GRIP1: variants seen among roughly 807,000 people sequenced by gnomAD.
The protein encoded by GRIP1 is glutamate receptor interacting protein 1.
A neutral mutation model predicts 129.9 loss-of-function variants in GRIP1; 45 were observed. The ratio of observed to expected loss-of-function variants is 0.35; its 90% CI spans 0.27 to 0.44. The LOEUF is 0.44. Ranked by LOEUF, GRIP1 falls within the 20% of genes least tolerant of loss-of-function variation. The probability of loss-of-function intolerance (pLI) is 1.00; values close to 1 mark genes in which losing one functional copy is unlikely to be tolerated. For missense variants in GRIP1, 1,196 were observed against 1,396.8 expected, an observed-to-expected ratio of 0.86 and a Z score of 2.29; for synonymous variants, 530 against 520.8, an observed-to-expected ratio of 1.02 and a Z score of -0.24.
chr12:66,801,259 T>G (rs2038849980), intron 1 of GRIP1, among the ~76,000 whole-genome samples: 1 of 152,014 alleles, frequency 6.6e-6, no homozygotes, highest in Admixed American at 6.6e-5. Context: ...AAACTCTAAC[T>G]CTAGAATTAT....
In GRIP1 at chr12:66,588,161, C is replaced by T. The variant is rs1372800363; in HGVS notation, c.136+8686G>A. Among the ~76,000 whole-genome samples, 7 of 151,842 alleles carry T rather than the reference C, an allele frequency of 4.6e-5. No individual in the cohort carries two copies. The East Asian group carries it at 1.4e-3, about 29-fold the overall frequency. On this transcript the variant is annotated intron_variant, in intron 2 of 24. Coordinates refer to ENST00000359742, the MANE Select transcript of GRIP1 (RefSeq NM_001366722.1). ...ACATAAAGCATAGTTATGGTGTTAC[C>T]AGTTTCAGAATAAGTAGTTAAAAGC...
At chr12:66,790,158 C>A (rs891049169) in intron 1 of GRIP1, among the ~76,000 whole-genome samples, 1 of 152,146 alleles carries the variant, frequency 6.6e-6, no homozygotes, top group African/African-American at 2.4e-5. Context: ...TAACTGATTT[C>A]ATTTTAGGGA....
At chr12:66,532,858 A>C (rs942056729) in intron 4 of GRIP1, among the ~76,000 whole-genome samples, 1 of 152,154 alleles carries the variant, frequency 6.6e-6, no homozygotes, top group African/African-American at 2.4e-5. Flanking sequence ...ATGCTTTAAC[A>C]CATTTATTTG....
At chr12:66,875,506 C>A (rs981576351) in intron 1 of GRIP1, among the ~76,000 whole-genome samples, 3 of 152,036 alleles carry the variant, frequency 2.0e-5, no homozygotes, top group African/African-American at 4.8e-5. Flanking sequence ...GGCTGCTTCA[C>A]AAACATCCAC....
chr12:66,525,223 A>T (rs1301609210), intron 5 of GRIP1, among the ~76,000 whole-genome samples: 1 of 151,746 alleles, frequency 6.6e-6, no homozygotes, highest in Non-Finnish European at 1.5e-5. Context: ...CAGAGACACA[A>T]CCAAAAAAGA....
intron 7 of GRIP1, among the ~76,000 whole-genome samples, chr12:66,495,504 A>G (rs1039619244): frequency 6.6e-6 from 1 of 152,212 alleles, no homozygotes; most frequent in African/African-American, 2.4e-5. Context: ...CTTGGGCAAG[A>G]TATTAAAAAA....
chr12:66,872,482 C>A (rs571978718), intron 1 of GRIP1, among the ~76,000 whole-genome samples: 1 of 152,044 alleles, frequency 6.6e-6, no homozygotes, highest in Non-Finnish European at 1.5e-5. Context: ...ATAATAAAAT[C>A]TCTTCCTGGC....
intron 16 of GRIP1, among the ~76,000 whole-genome samples, chr12:66,395,154 T>A (rs781283110): frequency 2.0e-5 from 3 of 152,238 alleles, no homozygotes; most frequent in Non-Finnish European, 2.9e-5. Flanking sequence ...GCCAGAAAGA[T>A]ATCATGGGCC....
chr12:66,803,906 G>A (rs12302592), intron 1 of GRIP1: 28,279 of 310,104 alleles, frequency 0.091, 1,570 homozygotes, highest in Admixed American at 0.17. Context: ...AACAAATCAA[G>A]CAAAACATAG....
intron 1 of GRIP1, among the ~76,000 whole-genome samples, chr12:66,882,080 C>G (rs1055589046): frequency 4.6e-5 from 7 of 152,036 alleles, no homozygotes; most frequent in African/African-American, 7.2e-5. Context: ...CTCCATCTTT[C>G]TCTTCTCATG....
intron 1 of GRIP1, among the ~76,000 whole-genome samples, chr12:66,991,040 G>A (rs1475542236): frequency 2.0e-5 from 3 of 150,782 alleles, no homozygotes; most frequent in African/African-American, 7.3e-5. Context: ...TCGGGAGACC[G>A]AGGCAGGCGG....
chr12:66,902,769 T>A (rs2040863734), intron 1 of GRIP1, among the ~76,000 whole-genome samples: 1 of 152,206 alleles, frequency 6.6e-6, no homozygotes, highest in African/African-American at 2.4e-5. Flanking sequence ...AATACTGATG[T>A]TGTTGTTTTA....
intron 15 of GRIP1, among the ~76,000 whole-genome samples, chr12:66,411,127 C>T (rs2057385655): frequency 6.6e-6 from 1 of 152,126 alleles, no homozygotes; most frequent in South Asian, 2.1e-4. Context: ...AATCACAGTG[C>T]ACCTGCTCTG....
intron 1 of GRIP1, among the ~76,000 whole-genome samples, chr12:66,666,878 C>CT (rs544709613): frequency 0.019 from 2,719 of 143,996 alleles, 26 homozygotes; most frequent in Non-Finnish European, 0.029. Context: ...ACATTGAAAC[C>CT]TTTTTTTTTT....
intron 1 of GRIP1, among the ~76,000 whole-genome samples, chr12:66,940,434 G>A (rs754215389): frequency 5.3e-5 from 8 of 151,906 alleles, no homozygotes; most frequent in Non-Finnish European, 1.0e-4. Flanking sequence ...ACCTAGTCAC[G>A]GCCACCTACA....
chr12:66,638,252 T>C (rs933805751), intron 1 of GRIP1, among the ~76,000 whole-genome samples: 12 of 152,230 alleles, frequency 7.9e-5, no homozygotes, highest in African/African-American at 2.9e-4. Flanking sequence ...TTGCATTTTA[T>C]TCCACAAATT....
chr12:67,061,437 GA>G (rs1170613556), intron 1 of GRIP1, among the ~76,000 whole-genome samples: 8 of 152,234 alleles, frequency 5.3e-5, no homozygotes, highest in African/African-American at 1.7e-4. Context: ...AATAGCCAGG[GA>G]AAATGGCTAA....
At chr12:66,696,353 C>T (rs1430115031) in intron 1 of GRIP1, among the ~76,000 whole-genome samples, 1 of 151,952 alleles carries the variant, frequency 6.6e-6, no homozygotes, top group Non-Finnish European at 1.5e-5. Flanking sequence ...AGAAAAATAC[C>T]AATCTAAACA....
At chr12:67,056,260 T>C (rs1393307483) in intron 1 of GRIP1, among the ~76,000 whole-genome samples, 1 of 152,218 alleles carries the variant, frequency 6.6e-6, no homozygotes, top group Non-Finnish European at 1.5e-5. Flanking sequence ...TAGCATCTAT[T>C]GCATGATGTC....
Sources: gnomAD v4.1 joint callset for allele counts (sites outside exome capture counted in the v4.1 genomes callset) on GRCh38, gnomAD v4.1.1 for gene constraint, MANE v1.5 for transcripts, NCBI Gene and HGNC (gene_info 2026-07-23, HGNC 2026-07-21) for gene names.